TNIK: variants seen among roughly 807,000 people sequenced by gnomAD.
TNIK encodes TRAF2 and NCK interacting kinase.
A neutral mutation model predicts 191.3 loss-of-function variants in TNIK; 49 were observed. The ratio of observed to expected loss-of-function variants is 0.26; its 90% CI spans 0.20 to 0.32. TNIK has a LOEUF of 0.32. Ranked by LOEUF, TNIK falls within the 10% of genes least tolerant of loss-of-function variation. The pLI is 1.00. For missense variants in TNIK, 1,155 were observed against 1,702.3 expected, an observed-to-expected ratio of 0.68 and a Z score of 5.66; for synonymous variants, 594 against 600.9, an observed-to-expected ratio of 0.99 and a Z score of 0.17.
chr3:171,392,784 A>AAAAG (rs972218980), intron 1 of TNIK, among the ~76,000 whole-genome samples: 2 of 151,412 alleles, frequency 1.3e-5, no homozygotes, highest in African/African-American at 4.8e-5. Context: ...GTCTCAAAAA[A>AAAAG]AAAAAAAAAA....
intron 10 of TNIK, 110 bp downstream of exon 10, chr3:171,166,982 AAAG>A: frequency 7.4e-7 from 1 of 1,349,150 alleles, no homozygotes; most frequent in East Asian, 2.6e-5. Flanking sequence ...CCCTCGCACT[AAAG>A]AATAATGCAG....
chr3:171,282,341 GTT>G (rs869305605), intron 2 of TNIK, among the ~76,000 whole-genome samples: 4 of 79,948 alleles, frequency 5.0e-5, no homozygotes, highest in Admixed American at 2.7e-4. Flanking sequence ...ATGGTTTTTT[GTT>G]TTTTTTTTTT....
At chr3:171,169,927 AAAT>A in intron 9 of TNIK, among the ~76,000 whole-genome samples, 1 of 152,326 alleles carries the variant, frequency 6.6e-6, no homozygotes, top group South Asian at 2.1e-4. Flanking sequence ...TTTGAAGAGA[AAAT>A]AATGTTTACT....
At position 171,272,544 on chromosome 3, in the gene TNIK, T is replaced by C. The variant is rs1168637339; in HGVS notation, c.124-44323A>G. 2.0e-5 allele frequency among the ~76,000 whole-genome samples: 3 copies of C among 152,202 alleles called. No individual in the cohort carries two copies. The East Asian group carries it at 5.8e-4, about 29-fold the overall frequency. On this transcript the variant is annotated intron_variant, in intron 2 of 32. Transcript: ENST00000436636. ...ATGTTTTTCTCATTTCTTTTGTTTT[T>C]TTCTCCTCTGACTGTACATTTTTAA...
chr3:171,385,319 G>A (rs568547673), intron 1 of TNIK, among the ~76,000 whole-genome samples: 3 of 152,230 alleles, frequency 2.0e-5, no homozygotes, highest in South Asian at 4.2e-4. Flanking sequence ...TCAGCCTAGG[G>A]GTTAAGAGAG....
chr3:171,227,130 T>C (rs905120851), intron 3 of TNIK, among the ~76,000 whole-genome samples: 1 of 152,194 alleles, frequency 6.6e-6, no homozygotes, highest in African/African-American at 2.4e-5. Flanking sequence ...ATGCCTTTGA[T>C]GTCCAGTGAA....
chr3:171,168,946 G>T (rs1457542724), intron 9 of TNIK, among the ~76,000 whole-genome samples: 1 of 152,208 alleles, frequency 6.6e-6, no homozygotes, highest in Non-Finnish European at 1.5e-5. Flanking sequence ...AGAAAGGGAG[G>T]TTTGGAGAGC....
intron 30 of TNIK, among the ~76,000 whole-genome samples, chr3:171,068,647 C>T (rs137928634): frequency 9.5e-4 from 145 of 152,206 alleles, no homozygotes; most frequent in African/African-American, 3.3e-3. Flanking sequence ...ATTATGTATT[C>T]CCCAATTTTA....
At chr3:171,124,859 A>C (rs766639404) in intron 17 of TNIK, among the ~76,000 whole-genome samples, 1 of 152,108 alleles carries the variant, frequency 6.6e-6, no homozygotes, top group Non-Finnish European at 1.5e-5. Context: ...CAATAAATTC[A>C]GTTTTCAGCT....
chr3:171,395,614 T>A (rs1002085947), intron 1 of TNIK, among the ~76,000 whole-genome samples: 9 of 152,166 alleles, frequency 5.9e-5, no homozygotes, highest in Admixed American at 5.2e-4. Flanking sequence ...TAGAAAGACA[T>A]TTGATATTTG....
chr3:171,367,476 G>GTT (rs1715896228), intron 2 of TNIK, among the ~76,000 whole-genome samples: 1 of 66,196 alleles, frequency 1.5e-5, no homozygotes, highest in Non-Finnish European at 4.4e-5. Flanking sequence ...ATTTTTTTGG[G>GTT]GGGGGGGGGA....
intron 5 of TNIK, 35 bp downstream of exon 5, chr3:171,194,490 T>C (rs758971475): frequency 1.3e-6 from 2 of 1,581,530 alleles, no homozygotes; most frequent in East Asian, 4.5e-5. Flanking sequence ...GCTTGAAGAC[T>C]TTGGGAGGTG....
At chr3:171,403,820 G>C (rs1721301355) in intron 1 of TNIK, among the ~76,000 whole-genome samples, 1 of 152,142 alleles carries the variant, frequency 6.6e-6, no homozygotes, top group African/African-American at 2.4e-5. Context: ...CCATGTGAAA[G>C]TACTACCTGT....
At chr3:171,131,314 G>A (rs1729233582) in intron 15 of TNIK, among the ~76,000 whole-genome samples, 1 of 122,980 alleles carries the variant, frequency 8.1e-6, no homozygotes, top group Non-Finnish European at 1.6e-5. Context: ...CTCCAGCCTG[G>A]GCGACAGAGC....
At position 171,327,467 on chromosome 3, in the gene TNIK, G is replaced by GCTAT. The variant is rs1314790453; in HGVS notation, c.123+42149_123+42152dup. 3.9e-5 allele frequency among the ~76,000 whole-genome samples: 6 copies of GCTAT among 152,188 alleles called. No individual in the cohort carries two copies. The East Asian group carries it at 1.2e-3, about 29-fold the overall frequency. On this transcript the variant is annotated intron_variant, in intron 2 of 32. Coordinates refer to ENST00000436636, the MANE Select transcript of TNIK (RefSeq NM_015028.4). Reference sequence around the variant, plus strand: ...CCTATGGGCTGGAGGGCTGGACAGTGCTATGCCTGGCCGCTAAAACACCCC... The same window carrying GCTAT: ...CCTATGGGCTGGAGGGCTGGACAGTGCTATCTATGCCTGGCCGCTAAAACACCCC...
chr3:171,313,201 C>A (rs967617322), intron 2 of TNIK, among the ~76,000 whole-genome samples: 3 of 151,952 alleles, frequency 2.0e-5, no homozygotes, highest in Non-Finnish European at 2.9e-5. Context: ...TAAAGTGTAT[C>A]TTTGTTATTT....
At chr3:171,148,831 A>G (rs1021110986) in intron 12 of TNIK, among the ~76,000 whole-genome samples, 2 of 152,256 alleles carry the variant, frequency 1.3e-5, no homozygotes, top group African/African-American at 4.8e-5. Flanking sequence ...CAACGAAAAG[A>G]TAACTTTTCC....
intron 12 of TNIK, 47 bp from the exon 13 acceptor site, chr3:171,140,556 G>C (rs746919902): frequency 2.5e-6 from 4 of 1,571,070 alleles, no homozygotes; most frequent in East Asian, 2.2e-5. Flanking sequence ...GGCCCCGGTG[G>C]GGGGTGTCAG....
chr3:171,383,834 G>A (rs1461520211), intron 1 of TNIK, among the ~76,000 whole-genome samples: 1 of 152,140 alleles, frequency 6.6e-6, no homozygotes, highest in African/African-American at 2.4e-5. Context: ...CTAAAAACTA[G>A]ATTACATTCA....
Sources: gnomAD v4.1 joint callset for allele counts (sites outside exome capture counted in the v4.1 genomes callset) on GRCh38, gnomAD v4.1.1 for gene constraint, MANE v1.5 for transcripts, NCBI Gene and HGNC (gene_info 2026-07-23, HGNC 2026-07-21) for gene names.